IFI30: variants seen among roughly 807,000 people sequenced by gnomAD.
IFI30 encodes IFI30 lysosomal thiol reductase.
A neutral mutation model predicts 30.1 loss-of-function variants in IFI30; 26 were observed. The ratio of observed to expected loss-of-function variants is 0.87; its 90% CI spans 0.63 to 1.20. The LOEUF is 1.20. Among genes scored for constraint, IFI30 ranks in the 50% most tolerant of loss-of-function variants. The pLI is 0.00. For synonymous variants in IFI30, 149 were observed against 134.5 expected (o/e 1.11, Z -0.75); for missense variants, 296 against 312.5 (o/e 0.95, Z 0.40).
Position 18,177,722 on chromosome 19 carries a change from A to G in IFI30, c.648A>G (p.Glu216=). 1 of 1,613,858 alleles carries G rather than the reference A, an allele frequency of 6.2e-7. No homozygotes were observed. The highest frequency in any genetic ancestry group is 8.5e-7 in the Non-Finnish European group (1 of 1,179,862). Reference sequence around the variant, plus strand: ...CTTGCTTTGTGCAGAAACCCTTGGAAGATCAGACCCAGCTCCTTACCCTTG... The same window carrying G: ...CTTGCTTTGTGCAGAAACCCTTGGAGGATCAGACCCAGCTCCTTACCCTTG... ...PWVTVNGKPL[E]DQTQLLTLVC... is the part of the protein sequence containing the mutation. The change falls in exon 6 of 7, where the codon GAA becomes GAG. Residue 216 remains glutamate (E), a synonymous_variant. Transcript: ENST00000407280.
rs1383056265 is a variant in IFI30 at position 18,175,708 on chromosome 19, C to A, written c.483+11C>A. 1.3e-6 allele frequency: 2 copies of A among 1,583,714 alleles called. No homozygotes were observed. Among genetic ancestry groups the A allele is most frequent in the South Asian group, 2.3e-5 (2 of 87,626 alleles). The stretch of plus-strand genomic sequence containing the variant: ...AGAAGTCTGCCACTAGTGAGTGACG[C>A]CCCTCACTCCACCCAAGGAGGGGGA... On this transcript the variant is annotated intron_variant, in intron 4 of 6. Transcript: ENST00000407280.
At chr19:18,176,160 T>C (rs1967267833) in intron 4 of IFI30, among the ~76,000 whole-genome samples, 1 of 140,458 alleles carries the variant, frequency 7.1e-6, no homozygotes, top group Admixed American at 7.1e-5. Context: ...TTTTTTTTTT[T>C]TTTTTTTTTT....
In IFI30 at chr19:18,177,858, C is replaced by G. The variant is rs767473145; in HGVS notation, c.700C>G (p.Pro234Ala). The G allele has an allele frequency of 5.6e-6, 9 of 1,600,386 alleles. No individual in the cohort carries two copies. The highest frequency in any genetic ancestry group is 6.8e-6 in the Non-Finnish European group (8 of 1,173,480). Residue 234 changes from proline (P) to alanine (A), a missense_variant, in exon 7 of 7, where the codon CCG becomes GCG. Transcript: ENST00000407280. ...LVCQLYQGKK[P>A]DVCPSSTSSL... The stretch of plus-strand genomic sequence containing the variant: ...TGGCCTTCACCTCCAGGGCAAGAAG[C>G]CGGATGTCTGCCCTTCCTCAACCAG...
intron 4 of IFI30, among the ~76,000 whole-genome samples, chr19:18,176,186 G>T (rs1223627640): frequency 1.1e-4 from 11 of 97,824 alleles, no homozygotes; most frequent in South Asian, 1.1e-3. Context: ...ACAGGGTTTT[G>T]CTCTGTCGCC....
chr19:18,174,924 C>A (rs1299139182), intron 1 of IFI30, 116 bp from the exon 2 acceptor site: 2 of 757,724 alleles, frequency 2.6e-6, no homozygotes, highest in Admixed American at 3.1e-5. Flanking sequence ...TTCTGGAAGG[C>A]GTGCAAGATG....
At chr19:18,174,304 C>CA (rs1176694236) in intron 1 of IFI30, 1 of 245,014 alleles carries the variant, frequency 4.1e-6, no homozygotes, top group East Asian at 9.6e-5. Context: ...AGCAGCTGGC[C>CA]AAGGGCCGCC....
rs1967276818 is a variant in IFI30 at position 18,177,005 on chromosome 19, G to T, written c.484-135G>T. 12 of 929,678 alleles carry T rather than the reference G, an allele frequency of 1.3e-5. No homozygotes were observed. In the South Asian group the frequency reaches 2.1e-4, roughly 17 times the overall value. The allele number at this position is 929,678 out of a possible 1,614,324, so 57.6% of individuals were successfully genotyped here. A position where few individuals can be genotyped will look rare whatever the true frequency, so the allele number is the denominator to read the frequency against. On this transcript the variant is annotated intron_variant, in intron 4 of 6. Transcript: ENST00000407280. Reference sequence around the variant, plus strand: ...TGTATTGAGCACCTGCTGTTTGTGGGCTTTGTCGCATCACTGTGAAGCCAA... The same window carrying T: ...TGTATTGAGCACCTGCTGTTTGTGGTCTTTGTCGCATCACTGTGAAGCCAA...
At chr19:18,174,879 A>C in intron 1 of IFI30, 161 bp from the exon 2 acceptor site, 1 of 600,794 alleles carries the variant, frequency 1.7e-6, no homozygotes, top group Non-Finnish European at 2.9e-6. Flanking sequence ...AAAAAAAAAA[A>C]AAAAAGTCTC....
rs535343184 is a variant in IFI30, at chr19:18,175,233, G to A, written c.315+11G>A. The A allele has an allele frequency of 1.5e-5, 24 of 1,577,886 alleles. No individual in the cohort carries two copies. The Admixed American group carries it at 1.7e-4, about 11-fold the overall frequency. ...TACGGAAACGCACAGGTGTGTGGGC[G>A]CTGGGGAAACTGAGGCACGTGGGCA... On this transcript the variant is annotated intron_variant, in intron 2 of 6. Coordinates refer to ENST00000407280, the MANE Select transcript of IFI30 (RefSeq NM_006332.5).
chr19:18,177,164 C>T lies in IFI30; in HGVS notation c.508C>T (p.Leu170=), dbSNP rs1967279790. Residue 170 remains leucine (L), a synonymous_variant, in exon 5 of 7, where the codon CTG becomes TTG. Transcript: ENST00000407280. ...GTGCCTGCAGCTCTACGCCCCAGGG[C>T]TGTCGCCAGACACTATCATGGAGTG... The part of the protein sequence containing the change: ...PLCLQLYAPG[L]SPDTIMECAM... The T allele has an allele frequency of 1.3e-6, 2 of 1,576,494 alleles. No homozygotes were observed. The highest frequency in any genetic ancestry group is 1.7e-6 in the Non-Finnish European group (2 of 1,161,612).
Position 18,175,597 on chromosome 19 carries a change from A to C in IFI30, c.391-8A>C. On this transcript the variant is annotated splice_polypyrimidine_tract_variant and splice_region_variant and intron_variant, in intron 3 of 6. Transcript: ENST00000407280. The stretch of plus-strand genomic sequence containing the variant: ...CATGCCCTCTCCTGCCCCCTCTCCA[A>C]ACCCCAGGCCTGCGTGTTGGATGAA... 1 of 1,604,168 alleles carries C rather than the reference A, an allele frequency of 6.2e-7. No individual in the cohort carries two copies. Among genetic ancestry groups the C allele is most frequent in the South Asian group, 1.1e-5 (1 of 89,034 alleles).
Position 18,175,141 on chromosome 19 carries a change from C to T in IFI30, c.234C>T (p.Phe78=), listed in dbSNP as rs1299975910. 1 of 1,611,828 alleles carries T rather than the reference C, an allele frequency of 6.2e-7. No homozygotes were observed. The highest frequency in any genetic ancestry group is 1.3e-5 in the African/African-American group (1 of 74,990). ...CACTGTGCGGTGGCTGCCGAGCCTT[C>T]CTGATCCGGGAGCTCTTCCCAACAT... The part of the protein sequence containing the change: ...YEALCGGCRA[F]LIRELFPTWL... The change falls in exon 2 of 7, where the codon TTC becomes TTT. Residue 78 remains phenylalanine, a synonymous_variant. Coordinates refer to ENST00000407280, the MANE Select transcript of IFI30 (RefSeq NM_006332.5).
chr19:18,175,545 G>A (rs1272383038), intron 3 of IFI30, 60 bp from the exon 4 acceptor site: 1 of 1,485,198 alleles, frequency 6.7e-7, no homozygotes, highest in East Asian at 2.4e-5. Flanking sequence ...TATTACGAGA[G>A]GGTGTCAGGG....
intron 1 of IFI30, 23 bp downstream of exon 1, chr19:18,173,996 C>A: frequency 6.5e-7 from 1 of 1,544,294 alleles, no homozygotes; most frequent in Non-Finnish European, 8.7e-7. Flanking sequence ...ACAGGGCGGG[C>A]AGGCTGGAGG....
intron 4 of IFI30, among the ~76,000 whole-genome samples, chr19:18,176,077 G>T (rs1268112648): frequency 6.9e-6 from 1 of 145,734 alleles, no homozygotes; most frequent in Non-Finnish European, 1.5e-5. Flanking sequence ...TCCTGACCTT[G>T]TGATCCGCCT....
chr19:18,175,156 C>T lies in IFI30; in HGVS notation c.249C>T (p.Leu83=). The T allele has an allele frequency of 1.2e-6, 2 of 1,609,154 alleles. No homozygotes were observed. The highest frequency in any genetic ancestry group is 1.7e-6 in the Non-Finnish European group (2 of 1,177,692). Residue 83 remains leucine (L), a synonymous_variant, in exon 2 of 7, where the codon CTC becomes CTT. Coordinates refer to ENST00000407280, the MANE Select transcript of IFI30 (RefSeq NM_006332.5). ...GGCRAFLIRE[L]FPTWLLVMEI... ...GCCGAGCCTTCCTGATCCGGGAGCT[C>T]TTCCCAACATGGCTGTTGGTCATGG...
chr19:18,175,192 T>G lies in IFI30; in HGVS notation c.285T>G (p.Asn95Lys), dbSNP rs368682588. ...GGCTGTTGGTCATGGAGATCCTCAA[T>G]GTCACGCTGGTGCCCTACGGAAACG... ...PTWLLVMEILNVTLVPYGNAQ... is the reference protein window; with the variant it reads ...PTWLLVMEILKVTLVPYGNAQ... Residue 95 changes from asparagine to lysine, a missense_variant, in exon 2 of 7, where the codon AAT (asparagine) becomes AAG (lysine). By Grantham distance (94) the Asn-to-Lys change is moderately conservative. Coordinates refer to ENST00000407280, the MANE Select transcript of IFI30 (RefSeq NM_006332.5). 3.3e-5 allele frequency: 53 copies of G among 1,596,148 alleles called. No homozygotes were observed. Among genetic ancestry groups the G allele is most frequent in the Non-Finnish European group, 4.4e-5 (51 of 1,171,668 alleles).
chr19:18,177,694 T>C lies in IFI30; in HGVS notation c.637-17T>C, dbSNP rs745539034. 16 of 1,613,334 alleles carry C rather than the reference T, an allele frequency of 9.9e-6. No individual in the cohort carries two copies. The highest frequency in any genetic ancestry group is 3.3e-5 in the Admixed American group (2 of 59,898). ...GTAGCTGCTGGGAATATGCGACCCC[T>C]GTCTTGCTTTGTGCAGAAACCCTTG... On this transcript the variant is annotated splice_polypyrimidine_tract_variant and intron_variant, in intron 5 of 6. Transcript: ENST00000407280.
intron 4 of IFI30, 76 bp from the exon 5 acceptor site, chr19:18,177,064 G>A: frequency 1.4e-6 from 2 of 1,428,310 alleles, no homozygotes; most frequent in Non-Finnish European, 9.3e-7. Flanking sequence ...AACAGGCTTG[G>A]CTCAGGGCTG....
Sources: allele counts gnomAD v4.1 joint callset (sites outside exome capture counted in the v4.1 genomes callset), GRCh38; gene constraint gnomAD v4.1.1; transcripts MANE v1.5; gene names NCBI Gene and HGNC (gene_info 2026-07-23, HGNC 2026-07-21).